The following EYA1 variants were observed in gnomAD, a reference collection of about 807,000 sequenced individuals.
The protein encoded by EYA1 is protein phosphatase EYA1.
A neutral mutation model predicts 82.0 loss-of-function variants in EYA1; 16 were observed. That is an observed-to-expected ratio of 0.20 (90% CI 0.13 to 0.30). The LOEUF (loss-of-function observed/expected upper bound fraction) is 0.30. EYA1 is among the 10% of genes least tolerant of loss of function. EYA1 has a pLI of 1.00. For missense variants in EYA1, 633 were observed against 730.7 expected (o/e 0.87, Z 1.54); for synonymous variants, 261 against 264.4 (o/e 0.99, Z 0.12).
chr8:71,325,653 T>C (rs1823066077), intron 4 of EYA1, among the ~76,000 whole-genome samples: 2 of 152,222 alleles, frequency 1.3e-5, no homozygotes, highest in African/African-American at 2.4e-5. Context: ...TGTGGCAATA[T>C]AGATTGGAGT....
intron 2 of EYA1, among the ~76,000 whole-genome samples, chr8:71,414,792 G>A (rs889684958): frequency 6.6e-6 from 1 of 152,154 alleles, no homozygotes. Context: ...CTGATAGTTA[G>A]GTGCCTTAAA....
chr8:71,311,841 T>C (rs1441924867), intron 7 of EYA1, among the ~76,000 whole-genome samples: 1 of 152,202 alleles, frequency 6.6e-6, no homozygotes, highest in Non-Finnish European at 1.5e-5. Context: ...TTTTATTTCA[T>C]GGAATTTTAG....
At chr8:71,479,162 C>T (rs1378452038) in intron 2 of EYA1, among the ~76,000 whole-genome samples, 2 of 152,164 alleles carry the variant, frequency 1.3e-5, no homozygotes, top group Non-Finnish European at 2.9e-5. Flanking sequence ...ACTACAGTCA[C>T]TGGCCTCTTG....
intron 11 of EYA1, among the ~76,000 whole-genome samples, chr8:71,250,037 G>C (rs1421203244): frequency 7.0e-6 from 1 of 141,944 alleles, no homozygotes; most frequent in African/African-American, 2.6e-5. Flanking sequence ...TTGCTTTCTT[G>C]TTTTTTTTTT....
At chr8:71,292,094 A>G (rs762657732) in intron 9 of EYA1, among the ~76,000 whole-genome samples, 2 of 152,154 alleles carry the variant, frequency 1.3e-5, no homozygotes, top group Non-Finnish European at 1.5e-5. Context: ...TGATCTTTTG[A>G]TAAAAGTCAA....
rs1445181563 is a variant in EYA1 at position 71,399,186 on chromosome 8, C to T, written c.34-42675G>A. ...GGGAGTGTCCTGATTTTCCCGGTACCGTCTGTCACGGCTTCCCTTTGCTAG... is the reference window on the plus strand; with the variant it reads ...GGGAGTGTCCTGATTTTCCCGGTACTGTCTGTCACGGCTTCCCTTTGCTAG... On this transcript the variant is annotated intron_variant, in intron 2 of 18. Transcript: ENST00000643681. 2.6e-5 allele frequency among the ~76,000 whole-genome samples: 4 copies of T among 152,132 alleles called. No homozygotes were observed. The East Asian group carries it at 5.8e-4, about 22-fold the overall frequency.
rs542926990 is a variant in EYA1 at position 71,389,849 on chromosome 8, A to T, written c.34-33338T>A. Among the ~76,000 whole-genome samples the T allele has an allele frequency of 3.9e-5, 6 of 152,298 alleles. No individual in the cohort carries two copies. The South Asian group carries it at 1.2e-3, about 32-fold the overall frequency. On this transcript the variant is annotated intron_variant, in intron 2 of 18. Coordinates refer to the EYA1 transcript ENST00000643681. ...GGCAACTTCAAAGATCTGTAGGTTA[A>T]TACTCAATACTTCCCAACCTATCCC...
At chr8:71,243,385 C>T (rs1311640366) in intron 12 of EYA1, among the ~76,000 whole-genome samples, 2 of 152,074 alleles carry the variant, frequency 1.3e-5, no homozygotes. Flanking sequence ...TAATTCTAAA[C>T]TTGTCACTCA....
chr8:71,527,553 C>A, intron 2 of EYA1, among the ~76,000 whole-genome samples: 1 of 152,162 alleles, frequency 6.6e-6, no homozygotes. Flanking sequence ...ACCCACCTTG[C>A]GTGCAGGGGC....
At chr8:71,449,181 AT>A (rs1213135523) in intron 2 of EYA1, 3 of 165,400 alleles carry the variant, frequency 1.8e-5, no homozygotes, top group African/African-American at 4.8e-5. Context: ...CTGGATTATC[AT>A]TGTGGCCACT....
At chr8:71,221,531 A>T (rs909796514) in intron 12 of EYA1, among the ~76,000 whole-genome samples, 1 of 152,226 alleles carries the variant, frequency 6.6e-6, no homozygotes, top group Admixed American at 6.5e-5. Flanking sequence ...TGTTTGCATA[A>T]GGGCTCAGAA....
intron 2 of EYA1, among the ~76,000 whole-genome samples, chr8:71,525,429 T>G (rs1813733482): frequency 6.6e-6 from 1 of 152,232 alleles, no homozygotes; most frequent in African/African-American, 2.4e-5. Context: ...TTGATCTAAT[T>G]GAATCTAGTG....
chr8:71,438,661 A>T (rs953656282), intron 2 of EYA1, among the ~76,000 whole-genome samples: 1 of 152,146 alleles, frequency 6.6e-6, no homozygotes, highest in African/African-American at 2.4e-5. Context: ...GAGTGTGAGC[A>T]GATGGAGAGA....
At chr8:71,200,146 A>G (rs188927770) in intron 17 of EYA1, 40 of 153,016 alleles carry the variant, frequency 2.6e-4, no homozygotes, top group Middle Eastern at 3.4e-3. Flanking sequence ...CACTATAGTA[A>G]GTACTAATGC....
chr8:71,497,065 A>G (rs1283745739), intron 2 of EYA1, among the ~76,000 whole-genome samples: 2 of 152,228 alleles, frequency 1.3e-5, no homozygotes, highest in African/African-American at 4.8e-5. Context: ...ATGAAGAGAC[A>G]ATCAAGAAAA....
At chr8:71,433,480 A>G (rs1455430561) in intron 2 of EYA1, among the ~76,000 whole-genome samples, 1 of 152,242 alleles carries the variant, frequency 6.6e-6, no homozygotes, top group African/African-American at 2.4e-5. Context: ...TATGACAATC[A>G]GCACAATAGA....
chr8:71,299,722 TA>T lies in EYA1; in HGVS notation c.557-3del. ...CTGATGATGTTGTAAAACTGCTACC[TA>T]AAACAAAATGAAAAGAAATACGATT... On this transcript the variant is annotated splice_region_variant and splice_polypyrimidine_tract_variant and intron_variant, in intron 7 of 17. Coordinates refer to ENST00000340726, the MANE Select transcript of EYA1 (RefSeq NM_000503.6). The T allele has an allele frequency of 7.0e-7, 1 of 1,434,152 alleles. No individual in the cohort carries two copies. The highest frequency in any genetic ancestry group is 9.8e-7 in the Non-Finnish European group (1 of 1,017,976). 88.8% of individuals were successfully genotyped at this position (1,434,152 alleles called of 1,614,324 possible).
chr8:71,372,103 G>T (rs1479543313), intron 2 of EYA1, among the ~76,000 whole-genome samples: 2 of 152,036 alleles, frequency 1.3e-5, no homozygotes, highest in Admixed American at 1.3e-4. Flanking sequence ...AGAGCTCAAT[G>T]ATTACCCAAC....
intron 7 of EYA1, among the ~76,000 whole-genome samples, chr8:71,308,827 G>A (rs1821017728): frequency 6.6e-6 from 1 of 151,958 alleles, no homozygotes; most frequent in Admixed American, 6.6e-5. Context: ...GGAACCTGCT[G>A]GGGCCTGTCT....
Sources: allele counts gnomAD v4.1 joint callset (sites outside exome capture counted in the v4.1 genomes callset), GRCh38; gene constraint gnomAD v4.1.1; transcripts MANE v1.5; gene names NCBI Gene and HGNC (gene_info 2026-07-23, HGNC 2026-07-21).